Variants in TANC1 observed in about 807,000 individuals in gnomAD.
TANC1 encodes tetratricopeptide repeat, ankyrin repeat and coiled-coil containing 1.
In TANC1, 77 loss-of-function variants were observed where a neutral mutation model predicts 149.7. The ratio of observed to expected loss-of-function variants is 0.51; its 90% confidence interval spans 0.43 to 0.62. TANC1 has a LOEUF of 0.62. Among genes scored for constraint, TANC1 ranks in the 20% least tolerant of loss-of-function variants. The probability of loss-of-function intolerance (pLI) is 0.00; values close to 1 mark genes in which losing one functional copy is unlikely to be tolerated. For missense variants in TANC1, 1,985 were observed against 2,321.8 expected, an observed-to-expected ratio of 0.85 and a Z score of 2.98; for synonymous variants, 854 against 925.0, an observed-to-expected ratio of 0.92 and a Z score of 1.39.
At chr2:159,203,198 GCTTTTCTTTT>G (rs1156858627) in intron 19 of TANC1, among the ~76,000 whole-genome samples, 4 of 137,256 alleles carry the variant, frequency 2.9e-5, no homozygotes, top group Admixed American at 7.6e-5. Flanking sequence ...TATTCGATAG[GCTTTTCTTTT>G]CTTTTTTTTT....
intron 3 of TANC1, among the ~76,000 whole-genome samples, chr2:159,083,768 G>A (rs765632452): frequency 2.3e-4 from 35 of 152,112 alleles, no homozygotes; most frequent in Non-Finnish European, 4.1e-4. Context: ...TTCATGATTA[G>A]AATGGAATGT....
rs2056921511 is a variant in TANC1 at position 159,185,830 on chromosome 2, G to A, written c.2550G>A (p.Gln850=). 1 of 1,614,040 alleles carries A rather than the reference G, an allele frequency of 6.2e-7. No individual in the cohort carries two copies. Among genetic ancestry groups the A allele is most frequent in the Admixed American group, 1.7e-5 (1 of 59,996 alleles). ...TCTTGGCATTCATGTTCTCGCGTCA[G>A]GAGGGCAAGTTGAACCGCCAGCAGA... ...HALLAFMFSR[Q]EGKLNRQQTM... Residue 850 remains glutamine (Q), a synonymous_variant, in exon 15 of 27, where the codon CAG becomes CAA. Transcript: ENST00000263635.
chr2:159,015,888 G>T (rs944162764), intron 2 of TANC1, among the ~76,000 whole-genome samples: 3 of 152,072 alleles, frequency 2.0e-5, no homozygotes, highest in Admixed American at 2.0e-4. Flanking sequence ...GTGTATTTTG[G>T]TCAAAGCCAT....
Position 158,969,458 on chromosome 2 carries a change from G to A in TANC1, c.-126+676G>A, listed in dbSNP as rs373089047. 2.0e-4 allele frequency among the ~76,000 whole-genome samples: 30 copies of A among 152,358 alleles called. No individual in the cohort carries two copies. In the East Asian group the frequency reaches 5.4e-3, roughly 27 times the overall value. Reference sequence around the variant, plus strand: ...AGACGTTGGGGGTTTTTCTTTAGGGGTGGGGCGCTGAGAAGAGCGGTAATT... The same window carrying A: ...AGACGTTGGGGGTTTTTCTTTAGGGATGGGGCGCTGAGAAGAGCGGTAATT... On this transcript the variant is annotated intron_variant, in intron 1 of 26. Coordinates refer to ENST00000263635, the MANE Select transcript of TANC1 (RefSeq NM_033394.3).
At position 159,004,998 on chromosome 2, in the gene TANC1, C is replaced by T. The variant is rs529904136; in HGVS notation, c.-16+3809C>T. On this transcript the variant is annotated intron_variant, in intron 2 of 26. Coordinates refer to ENST00000263635, the MANE Select transcript of TANC1 (RefSeq NM_033394.3). ...TCTTACGAGAAATAAAGCGATGGGCCGAAACAAAGGGATGGGTCTGGCTAG... is the reference window on the plus strand; with the variant it reads ...TCTTACGAGAAATAAAGCGATGGGCTGAAACAAAGGGATGGGTCTGGCTAG... Among the ~76,000 whole-genome samples, 9 of 152,238 alleles carry T rather than the reference C, an allele frequency of 5.9e-5. No individual in the cohort carries two copies. The East Asian group carries it at 7.7e-4, about 13-fold the overall frequency.
intron 4 of TANC1, among the ~76,000 whole-genome samples, chr2:159,104,811 A>G (rs867365017): frequency 0.044 from 4,228 of 95,996 alleles, 1 homozygote; most frequent in Admixed American, 0.084. Flanking sequence ...GATTCTCCCA[A>G]CTTGGCCTCC....
chr2:159,215,389 GT>G lies in TANC1; in HGVS notation c.3245-2105del, dbSNP rs1190508183. On this transcript the variant is annotated intron_variant, in intron 19 of 26. Coordinates refer to ENST00000263635, the MANE Select transcript of TANC1 (RefSeq NM_033394.3). ...CTAGTTTCTTGCAGGGAGATAACAGGTTTGCCGCCTTTTGTTTATGTGGCTC... is the reference window on the plus strand; with the variant it reads ...CTAGTTTCTTGCAGGGAGATAACAGGTTGCCGCCTTTTGTTTATGTGGCTC... Among the ~76,000 whole-genome samples the G allele has an allele frequency of 3.3e-5, 5 of 152,206 alleles. No homozygotes were observed. In the East Asian group the frequency reaches 9.6e-4, roughly 29 times the overall value.
chr2:159,076,365 T>G (rs2043678710), intron 3 of TANC1, among the ~76,000 whole-genome samples: 1 of 152,240 alleles, frequency 6.6e-6, no homozygotes, highest in African/African-American at 2.4e-5. Flanking sequence ...CTAGTCTGAT[T>G]GGCTTATATT....
chr2:158,989,834 G>C (rs13033863), intron 1 of TANC1, among the ~76,000 whole-genome samples: 1 of 151,892 alleles, frequency 6.6e-6, no homozygotes, highest in Non-Finnish European at 1.5e-5. Context: ...GAGTAAAGTA[G>C]ACTTGGTTTC....
chr2:159,045,961 A>G (rs2041006836), intron 2 of TANC1, among the ~76,000 whole-genome samples: 1 of 152,258 alleles, frequency 6.6e-6, no homozygotes, highest in African/African-American at 2.4e-5. Context: ...ATCTGCTTAA[A>G]TGGCATTTTA....
At chr2:159,065,820 C>T in intron 2 of TANC1, 76 bp from the exon 3 acceptor site, 3 of 1,205,046 alleles carry the variant, frequency 2.5e-6, no homozygotes, top group Non-Finnish European at 3.7e-6. Flanking sequence ...CACAAGTTAC[C>T]TCTTTTGTCA....
chr2:159,149,091 T>C (rs1374049258), intron 5 of TANC1, 51 bp from the exon 6 acceptor site: 1 of 1,530,842 alleles, frequency 6.5e-7, no homozygotes, highest in East Asian at 2.3e-5. Flanking sequence ...CCAGATGCGA[T>C]ACTGAAATTC....
intron 2 of TANC1, among the ~76,000 whole-genome samples, chr2:159,063,739 G>A (rs1422950743): frequency 6.6e-6 from 1 of 152,210 alleles, no homozygotes; most frequent in Non-Finnish European, 1.5e-5. Context: ...GACCACTGAT[G>A]TGGAAGGTAT....
chr2:159,188,434 C>T (rs1427434690), intron 16 of TANC1, among the ~76,000 whole-genome samples: 1 of 152,226 alleles, frequency 6.6e-6, no homozygotes, highest in Non-Finnish European at 1.5e-5. Context: ...CAGGATGGGG[C>T]CAGCCTGGGC....
At chr2:159,092,928 G>C (rs2045699951) in intron 3 of TANC1, among the ~76,000 whole-genome samples, 1 of 152,312 alleles carries the variant, frequency 6.6e-6, no homozygotes, top group South Asian at 2.1e-4. Context: ...TAGAGCCTGA[G>C]CTGACCGGTT....
intron 1 of TANC1, among the ~76,000 whole-genome samples, chr2:158,970,924 G>C (rs913844998): frequency 9.9e-5 from 15 of 152,142 alleles, no homozygotes; most frequent in African/African-American, 3.6e-4. Flanking sequence ...TGGTTTTCCT[G>C]CTTTCTTGGT....
At chr2:159,012,043 G>A (rs2037826001) in intron 2 of TANC1, among the ~76,000 whole-genome samples, 1 of 152,162 alleles carries the variant, frequency 6.6e-6, no homozygotes, top group Non-Finnish European at 1.5e-5. Flanking sequence ...GGCCAGAAGA[G>A]GAGCCCAGAT....
chr2:159,028,790 G>A (rs1467786387), intron 2 of TANC1, among the ~76,000 whole-genome samples: 1 of 152,114 alleles, frequency 6.6e-6, no homozygotes, highest in Admixed American at 6.6e-5. Flanking sequence ...TGTTGAGATA[G>A]GGTCTCTCAC....
chr2:159,090,653 C>T (rs1323624172), intron 3 of TANC1, among the ~76,000 whole-genome samples: 1 of 152,188 alleles, frequency 6.6e-6, no homozygotes, highest in African/African-American at 2.4e-5. Flanking sequence ...AATGTAGAAT[C>T]CCAAATTCCA....
Sources: allele counts gnomAD v4.1 joint callset (sites outside exome capture counted in the v4.1 genomes callset), GRCh38; gene constraint gnomAD v4.1.1; transcripts MANE v1.5; gene names NCBI Gene and HGNC (gene_info 2026-07-23, HGNC 2026-07-21).